INPP4B: variants seen among roughly 807,000 people sequenced by gnomAD.
INPP4B encodes the protein inositol polyphosphate-4-phosphatase type II B.
INPP4B carries 55 observed loss-of-function variants against 122.5 expected under a neutral mutation model. The observed-to-expected ratio is 0.45, with a 90% CI of 0.36 to 0.56. INPP4B has a LOEUF of 0.56. Among genes scored for constraint, INPP4B ranks in the 20% least tolerant of loss-of-function variants. The pLI is 0.00. For missense variants in INPP4B, 1,000 were observed against 1,097.7 expected, an observed-to-expected ratio of 0.91 and a Z score of 1.26; for synonymous variants, 403 against 388.7, an observed-to-expected ratio of 1.04 and a Z score of -0.43.
chr4:142,073,529 T>C (rs939070149), intron 25 of INPP4B, among the ~76,000 whole-genome samples: 2 of 152,070 alleles, frequency 1.3e-5, no homozygotes, highest in African/African-American at 2.4e-5. Flanking sequence ...TTTATGACAG[T>C]GTTTACCTGA....
chr4:142,545,688 CAT>C (rs1276459931), intron 2 of INPP4B, among the ~76,000 whole-genome samples: 1 of 132,368 alleles, frequency 7.6e-6, no homozygotes, highest in African/African-American at 2.8e-5. Flanking sequence ...TTAATACACA[CAT>C]ATATATGTGT....
chr4:142,617,358 G>T (rs77389579), intron 2 of INPP4B, among the ~76,000 whole-genome samples: 3,774 of 152,166 alleles, frequency 0.025, 59 homozygotes, highest in Middle Eastern at 0.088. Flanking sequence ...TCACACACAT[G>T]CATAGCTGAT....
chr4:142,218,200 T>A (rs1848093280), intron 12 of INPP4B, among the ~76,000 whole-genome samples: 1 of 152,064 alleles, frequency 6.6e-6, no homozygotes, highest in Non-Finnish European at 1.5e-5. Context: ...TGGAAGAAAA[T>A]CATCTAGAAT....
intron 14 of INPP4B, among the ~76,000 whole-genome samples, chr4:142,207,111 G>A (rs1222330812): frequency 6.6e-6 from 1 of 152,060 alleles, no homozygotes; most frequent in African/African-American, 2.4e-5. Flanking sequence ...GTTCATCCAT[G>A]TTGTCTCAAA....
intron 18 of INPP4B, among the ~76,000 whole-genome samples, chr4:142,125,621 A>C (rs147613894): frequency 8.9e-4 from 135 of 152,202 alleles, no homozygotes; most frequent in African/African-American, 3.1e-3. Flanking sequence ...CTCTTCTGCA[A>C]ACTCAATTCA....
intron 16 of INPP4B, among the ~76,000 whole-genome samples, chr4:142,161,933 G>A (rs1350859295): frequency 6.6e-6 from 1 of 151,604 alleles, no homozygotes; most frequent in African/African-American, 2.4e-5. Flanking sequence ...CAAATTAGCA[G>A]CTTTCTCCCT....
intron 2 of INPP4B, among the ~76,000 whole-genome samples, chr4:142,720,444 CCCAATGTA>C (rs1764374363): frequency 1.3e-5 from 2 of 151,874 alleles, no homozygotes; most frequent in African/African-American, 2.4e-5. Flanking sequence ...TTTCCTCTTT[CCCAATGTA>C]CCAGAATATG....
At chr4:142,664,618 C>T (rs1755712966) in intron 2 of INPP4B, among the ~76,000 whole-genome samples, 2 of 151,632 alleles carry the variant, frequency 1.3e-5, no homozygotes, top group South Asian at 2.1e-4. Context: ...GTTTATAATA[C>T]TTATAATTAT....
chr4:142,614,935 T>C (rs540867104), intron 2 of INPP4B, among the ~76,000 whole-genome samples: 4 of 152,230 alleles, frequency 2.6e-5, no homozygotes, highest in African/African-American at 9.6e-5. Flanking sequence ...GCTTATAGAC[T>C]ATTGGTGGAA....
At chr4:142,301,891 T>C (rs1457881532) in intron 9 of INPP4B, among the ~76,000 whole-genome samples, 1 of 152,178 alleles carries the variant, frequency 6.6e-6, no homozygotes, top group Admixed American at 6.5e-5. Context: ...TTAAATACTT[T>C]AAGATCAATA....
At chr4:142,384,429 T>C (rs985177340) in intron 7 of INPP4B, among the ~76,000 whole-genome samples, 4 of 152,162 alleles carry the variant, frequency 2.6e-5, no homozygotes, top group Admixed American at 6.5e-5. Context: ...AATAACCTAT[T>C]GCCCCTTGGC....
chr4:142,600,998 A>G (rs992422350), intron 2 of INPP4B, among the ~76,000 whole-genome samples: 2 of 152,128 alleles, frequency 1.3e-5, no homozygotes, highest in African/African-American at 4.8e-5. Flanking sequence ...CAATACAAAA[A>G]TTCTAAATAT....
At chr4:142,173,579 A>G in intron 16 of INPP4B, 53 bp downstream of exon 16, 1 of 1,489,194 alleles carries the variant, frequency 6.7e-7, no homozygotes, top group Non-Finnish European at 9.3e-7. Context: ...AGCCAGACCA[A>G]TGGGAATTTG....
intron 1 of INPP4B, among the ~76,000 whole-genome samples, chr4:142,800,894 T>C (rs1777910516): frequency 6.6e-6 from 1 of 152,124 alleles, no homozygotes; most frequent in Non-Finnish European, 1.5e-5. Flanking sequence ...TATTCAACTT[T>C]GGAAATTAGT....
chr4:142,225,384 T>C (rs1464886932), intron 12 of INPP4B, among the ~76,000 whole-genome samples: 1 of 152,026 alleles, frequency 6.6e-6, no homozygotes, highest in African/African-American at 2.4e-5. Context: ...GCTTCCTTGC[T>C]CCTCAATTTG....
intron 2 of INPP4B, among the ~76,000 whole-genome samples, chr4:142,622,705 A>G (rs1211826819): frequency 6.6e-6 from 1 of 151,934 alleles, no homozygotes. Context: ...GGCACAACCA[A>G]TCATGGTCTC....
chr4:142,576,949 A>C (rs970625443), intron 2 of INPP4B, among the ~76,000 whole-genome samples: 1 of 152,094 alleles, frequency 6.6e-6, no homozygotes, highest in Non-Finnish European at 1.5e-5. Context: ...ACACATGCAC[A>C]TAGGCATGTA....
At chr4:142,157,123 A>T (rs6832091) in intron 17 of INPP4B, among the ~76,000 whole-genome samples, 4,502 of 152,178 alleles carry the variant, frequency 0.03, 197 homozygotes, top group African/African-American at 0.1. Flanking sequence ...ACAACTAATT[A>T]AAAAAGGGAG....
chr4:142,313,362 T>C (rs763744685), intron 8 of INPP4B, among the ~76,000 whole-genome samples: 1 of 152,180 alleles, frequency 6.6e-6, no homozygotes, highest in African/African-American at 2.4e-5. Flanking sequence ...AACACCTTGA[T>C]AGAATAATGT....
Sources: allele counts gnomAD v4.1 joint callset (sites outside exome capture counted in the v4.1 genomes callset), GRCh38; gene constraint gnomAD v4.1.1; transcripts MANE v1.5; gene names NCBI Gene and HGNC (gene_info 2026-07-23, HGNC 2026-07-21).